ADAMTS16: variants seen among roughly 807,000 people sequenced by gnomAD.
ADAMTS16 encodes ADAM metallopeptidase with thrombospondin type 1 motif 16.
A neutral mutation model predicts 145.8 loss-of-function variants in ADAMTS16; 94 were observed. The ratio of observed to expected loss-of-function variants is 0.64; its 90% CI spans 0.55 to 0.77. The LOEUF (loss-of-function observed/expected upper bound fraction) is 0.77. ADAMTS16 is among the 30% of genes least tolerant of loss of function. The pLI is 0.00. For synonymous variants in ADAMTS16, 659 were observed against 604.3 expected (o/e 1.09, Z -1.33); for missense variants, 1,585 against 1,591.5 (o/e 1.00, Z 0.07).
intron 6 of ADAMTS16, 85 bp downstream of exon 6, chr5:5,187,893 C>T (rs941755670): frequency 1.1e-6 from 1 of 910,488 alleles, no homozygotes. Flanking sequence ...TATAATTGTT[C>T]TATGGGTTCT....
intron 21 of ADAMTS16, among the ~76,000 whole-genome samples, chr5:5,312,790 C>G (rs962153414): frequency 2.0e-5 from 3 of 152,144 alleles, no homozygotes; most frequent in African/African-American, 7.2e-5. Flanking sequence ...AGTCTGCTGT[C>G]TTTTGAGTCA....
chr5:5,291,250 A>G (rs1285459528), intron 18 of ADAMTS16, among the ~76,000 whole-genome samples: 6 of 151,862 alleles, frequency 4.0e-5, no homozygotes, highest in Non-Finnish European at 8.8e-5. Flanking sequence ...TTCAGAAGGG[A>G]TGTATATAAT....
At chr5:5,235,787 C>A (rs1036375474) in intron 13 of ADAMTS16, among the ~76,000 whole-genome samples, 4 of 151,930 alleles carry the variant, frequency 2.6e-5, no homozygotes, top group Admixed American at 2.0e-4. Context: ...TCAAAGAAAA[C>A]CTAATCATCT....
chr5:5,258,605 AC>A (rs1207409784), intron 17 of ADAMTS16, among the ~76,000 whole-genome samples: 2 of 152,076 alleles, frequency 1.3e-5, no homozygotes, highest in African/African-American at 4.8e-5. Flanking sequence ...ATGAGAAGAA[AC>A]CTGCTGGCGA....
intron 3 of ADAMTS16, among the ~76,000 whole-genome samples, chr5:5,151,110 C>G (rs1734440590): frequency 6.6e-6 from 1 of 152,234 alleles, no homozygotes; most frequent in Non-Finnish European, 1.5e-5. Context: ...ATTGTGTGTA[C>G]TGTACTTTTC....
At position 5,140,869 on chromosome 5, in the gene ADAMTS16, A is replaced by G. The variant is rs563171340; in HGVS notation, c.175+103A>G. ...CTGTGAATGTTCACGACTCTGTGGAACCCTACTTTTAAGATGCTGTTGTGA... is the reference window on the plus strand; with the variant it reads ...CTGTGAATGTTCACGACTCTGTGGAGCCCTACTTTTAAGATGCTGTTGTGA... On this transcript the variant is annotated intron_variant, in intron 2 of 22. Transcript: ENST00000274181. 32 of 1,157,960 alleles carry G rather than the reference A, an allele frequency of 2.8e-5. No individual in the cohort carries two copies. The East Asian group carries it at 9.7e-4, about 35-fold the overall frequency. 71.7% of individuals were successfully genotyped at this position (1,157,960 alleles called of 1,614,324 possible). A position where few individuals can be genotyped will look rare whatever the true frequency, so the allele number is the denominator to read the frequency against.
chr5:5,219,530 G>A (rs759370100), intron 10 of ADAMTS16, among the ~76,000 whole-genome samples: 14 of 152,270 alleles, frequency 9.2e-5, no homozygotes, highest in South Asian at 4.1e-4. Flanking sequence ...GTTTTTATTC[G>A]TTTGTATGGG....
chr5:5,199,868 C>G (rs1325269149), intron 8 of ADAMTS16, among the ~76,000 whole-genome samples: 1 of 152,196 alleles, frequency 6.6e-6, no homozygotes, highest in Non-Finnish European at 1.5e-5. Context: ...TCCCTCCACC[C>G]CATTCAATAC....
intron 18 of ADAMTS16, among the ~76,000 whole-genome samples, chr5:5,283,260 A>G (rs11134101): frequency 0.85 from 128,921 of 152,186 alleles, 55,022 homozygotes; most frequent in Non-Finnish European, 0.89. Context: ...TATGTATCAC[A>G]TATTACATTG....
intron 3 of ADAMTS16, among the ~76,000 whole-genome samples, chr5:5,177,247 G>A (rs1200002546): frequency 6.6e-6 from 1 of 152,218 alleles, no homozygotes; most frequent in Non-Finnish European, 1.5e-5. Context: ...TTGTCAGAGT[G>A]TCCAGTGTCA....
intron 6 of ADAMTS16, among the ~76,000 whole-genome samples, chr5:5,188,453 C>T (rs752441157): frequency 7.9e-5 from 12 of 152,268 alleles, no homozygotes; most frequent in Middle Eastern, 3.4e-3. Flanking sequence ...AAAGGATGGA[C>T]ATGAACACCT....
chr5:5,244,583 C>A (rs1265517215), intron 17 of ADAMTS16, among the ~76,000 whole-genome samples: 1 of 152,170 alleles, frequency 6.6e-6, no homozygotes, highest in African/African-American at 2.4e-5. Context: ...TTATTATCAT[C>A]TCAGAGGTTA....
Position 5,235,068 on chromosome 5 carries a change from C to T in ADAMTS16, c.1905C>T (p.Cys635=). The T allele has an allele frequency of 6.2e-7, 1 of 1,604,452 alleles. No individual in the cohort carries two copies. The highest frequency in any genetic ancestry group is 2.2e-5 in the East Asian group (1 of 44,528). Residue 635 remains cysteine (C), a synonymous_variant, in exon 13 of 23, where the codon TGC becomes TGT. Coordinates refer to ENST00000274181, the MANE Select transcript of ADAMTS16 (RefSeq NM_139056.4). ...GCTCCACTCGCACTCTGAAGCTCTGCAACAGTCAGAAATGTCCCCGGGACA... is the reference window on the plus strand; with the variant it reads ...GCTCCACTCGCACTCTGAAGCTCTGTAACAGTCAGAAATGTCCCCGGGACA... ...CEGSTRTLKL[C]NSQKCPRDSV...
chr5:5,157,655 C>T (rs1389208373), intron 3 of ADAMTS16, among the ~76,000 whole-genome samples: 1 of 152,056 alleles, frequency 6.6e-6, no homozygotes, highest in Non-Finnish European at 1.5e-5. Context: ...TTTTAGTATC[C>T]AAAATCCGTG....
intron 10 of ADAMTS16, among the ~76,000 whole-genome samples, chr5:5,216,651 A>G (rs1462021048): frequency 1.4e-5 from 2 of 145,774 alleles, no homozygotes; most frequent in Non-Finnish European, 3.0e-5. Flanking sequence ...ACATGTGCAC[A>G]TTGTGCAGGT....
At chr5:5,295,279 C>T (rs1560993512) in intron 18 of ADAMTS16, among the ~76,000 whole-genome samples, 1 of 152,232 alleles carries the variant, frequency 6.6e-6, no homozygotes, top group African/African-American at 2.4e-5. Flanking sequence ...ACTTTTGTCT[C>T]AGCCACACCT....
At chr5:5,255,964 C>T (rs1162670795) in intron 17 of ADAMTS16, among the ~76,000 whole-genome samples, 1 of 152,170 alleles carries the variant, frequency 6.6e-6, no homozygotes, top group Non-Finnish European at 1.5e-5. Flanking sequence ...ACTGCTTTAG[C>T]TACATTCCAC....
chr5:5,260,999 A>T (rs1353302670), intron 17 of ADAMTS16, among the ~76,000 whole-genome samples: 1 of 152,172 alleles, frequency 6.6e-6, no homozygotes, highest in Non-Finnish European at 1.5e-5. Context: ...GCTGCAGAGG[A>T]GTGAGAACAG....
intron 10 of ADAMTS16, among the ~76,000 whole-genome samples, chr5:5,211,358 G>C (rs749822195): frequency 7.9e-5 from 12 of 152,034 alleles, no homozygotes; most frequent in African/African-American, 1.7e-4. Context: ...TTCAATGAAT[G>C]GTTATGAATT....
Sources: gnomAD v4.1 joint callset for allele counts (sites outside exome capture counted in the v4.1 genomes callset) on GRCh38, gnomAD v4.1.1 for gene constraint, MANE v1.5 for transcripts, NCBI Gene and HGNC (gene_info 2026-07-23, HGNC 2026-07-21) for gene names.